The following DCC variants were observed in gnomAD, a reference collection of about 807,000 sequenced individuals.
The protein encoded by DCC is netrin receptor DCC.
DCC carries 58 observed loss-of-function variants against 172.5 expected under a neutral mutation model. The ratio of observed to expected loss-of-function variants is 0.34; its 90% confidence interval spans 0.27 to 0.42. The LOEUF (loss-of-function observed/expected upper bound fraction) is 0.42, where lower values mean the gene tolerates loss of function less well. Among genes scored for constraint, DCC ranks in the 10% least tolerant of loss-of-function variants. DCC has a pLI of 1.00. For synonymous variants in DCC, 709 were observed against 644.5 expected, an observed-to-expected ratio of 1.10 and a Z score of -1.52; for missense variants, 1,740 against 1,791.0, an observed-to-expected ratio of 0.97 and a Z score of 0.51.
intron 1 of DCC, among the ~76,000 whole-genome samples, chr18:52,559,167 A>G (rs982600025): frequency 6.6e-6 from 1 of 152,162 alleles, no homozygotes; most frequent in Admixed American, 6.5e-5. Flanking sequence ...GCTGGAGTGC[A>G]GTGGCACGAT....
At chr18:53,487,145 G>A (rs1200938689) in intron 26 of DCC, among the ~76,000 whole-genome samples, 187 bp downstream of exon 26, 1 of 152,088 alleles carries the variant, frequency 6.6e-6, no homozygotes, top group Admixed American at 6.6e-5. Context: ...GATTCCCTAG[G>A]CACCTTTCCA....
At chr18:52,630,903 C>T (rs2034662589) in intron 1 of DCC, among the ~76,000 whole-genome samples, 1 of 152,174 alleles carries the variant, frequency 6.6e-6, no homozygotes, top group African/African-American at 2.4e-5. Flanking sequence ...GAGGAATCCT[C>T]TTACCAATAT....
chr18:52,425,325 C>A (rs1598808361), intron 1 of DCC, among the ~76,000 whole-genome samples: 1 of 152,220 alleles, frequency 6.6e-6, no homozygotes, highest in South Asian at 2.1e-4. Context: ...TCAGATAGAT[C>A]CCTGAGTGTC....
At chr18:53,116,266 C>A (rs1185766261) in intron 7 of DCC, among the ~76,000 whole-genome samples, 1 of 151,746 alleles carries the variant, frequency 6.6e-6, no homozygotes, top group Non-Finnish European at 1.5e-5. Flanking sequence ...CTAGCCCGAG[C>A]ATAGGAGCTC....
chr18:52,783,409 G>A (rs1219234428), intron 2 of DCC, among the ~76,000 whole-genome samples: 1 of 126,222 alleles, frequency 7.9e-6, no homozygotes, highest in Non-Finnish European at 1.6e-5. Context: ...TTTACACAAG[G>A]CAGCAAAGTT....
intron 5 of DCC, among the ~76,000 whole-genome samples, chr18:53,009,674 A>C (rs1407716483): frequency 2.0e-5 from 3 of 151,980 alleles, no homozygotes; most frequent in Non-Finnish European, 4.4e-5. Flanking sequence ...TGTTAGTAAC[A>C]AGACAGACAA....
intron 27 of DCC, among the ~76,000 whole-genome samples, chr18:53,511,293 G>A (rs2046248237): frequency 6.6e-6 from 1 of 152,224 alleles, no homozygotes; most frequent in Non-Finnish European, 1.5e-5. Context: ...GTAGGAGTAG[G>A]TGGAAGACCT....
chr18:53,172,262 C>T (rs1598873025), intron 8 of DCC, among the ~76,000 whole-genome samples: 1 of 152,118 alleles, frequency 6.6e-6, no homozygotes, highest in Non-Finnish European at 1.5e-5. Flanking sequence ...TAAGTAAGAG[C>T]TTAACACTGA....
At position 53,486,801 on chromosome 18, in the gene DCC, CGTGAGCGCCATCCCG is replaced by C. The variant is rs750681659; in HGVS notation, c.3745_3759del (p.Ser1249_Val1253del). The C allele has an allele frequency of 1.9e-6, 3 of 1,613,952 alleles. No homozygotes were observed. The highest frequency in any genetic ancestry group is 2.5e-6 in the Non-Finnish European group (3 of 1,180,028). Reference sequence around the variant, plus strand: ...ATTAACCTTTTTCTTTTGCAGCTGTCGTGAGCGCCATCCCGGTGCCAACGCTAGAAAGTGCCCAGT... The same window carrying C: ...ATTAACCTTTTTCTTTTGCAGCTGTCGTGCCAACGCTAGAAAGTGCCCAGT... On this transcript the variant is annotated inframe_deletion, in exon 26 of 29. Transcript: ENST00000442544.
At chr18:52,962,926 A>G (rs1049561983) in intron 5 of DCC, among the ~76,000 whole-genome samples, 2 of 132,888 alleles carry the variant, frequency 1.5e-5, no homozygotes, top group Non-Finnish European at 3.1e-5. Context: ...GGACACAGGA[A>G]GGGGAACATC....
At chr18:52,597,975 T>A (rs1469318325) in intron 1 of DCC, among the ~76,000 whole-genome samples, 1 of 152,190 alleles carries the variant, frequency 6.6e-6, no homozygotes, top group Non-Finnish European at 1.5e-5. Flanking sequence ...TTTATTGTTT[T>A]TCCTGAATTT....
chr18:53,482,432 A>G (rs1228809448), intron 25 of DCC, among the ~76,000 whole-genome samples: 1 of 152,116 alleles, frequency 6.6e-6, no homozygotes, highest in Non-Finnish European at 1.5e-5. Context: ...TTTCTTCAGT[A>G]ATGAAAGACT....
chr18:52,379,205 G>A (rs1478669369), intron 1 of DCC, among the ~76,000 whole-genome samples: 1 of 151,732 alleles, frequency 6.6e-6, no homozygotes, highest in Non-Finnish European at 1.5e-5. Context: ...GTTTATTTGA[G>A]ATGCAGTGCT....
chr18:52,834,502 C>T (rs1172754323), intron 2 of DCC, among the ~76,000 whole-genome samples: 2 of 152,140 alleles, frequency 1.3e-5, no homozygotes, highest in Non-Finnish European at 2.9e-5. Flanking sequence ...TCCCAGGCAA[C>T]GTTTCCGAAC....
intron 1 of DCC, among the ~76,000 whole-genome samples, chr18:52,487,365 G>A (rs1013805385): frequency 2.6e-5 from 4 of 152,122 alleles, no homozygotes; most frequent in Non-Finnish European, 5.9e-5. Flanking sequence ...TTCTATCATT[G>A]AGATACTCAG....
intron 5 of DCC, among the ~76,000 whole-genome samples, chr18:53,022,635 T>G (rs561559458): frequency 6.6e-6 from 1 of 151,800 alleles, no homozygotes; most frequent in South Asian, 2.1e-4. Flanking sequence ...ATTACCATAT[T>G]GAAATGGGTG....
intron 1 of DCC, 112 bp downstream of exon 1, chr18:52,340,990 G>A: frequency 1.1e-6 from 1 of 877,386 alleles, no homozygotes; most frequent in Non-Finnish European, 1.9e-6. Context: ...GAGATTTGGC[G>A]CTTGCGCTGC....
intron 2 of DCC, among the ~76,000 whole-genome samples, chr18:52,857,500 A>G (rs2039073440): frequency 6.6e-6 from 1 of 152,150 alleles, no homozygotes; most frequent in Non-Finnish European, 1.5e-5. Context: ...CCACTGAAGC[A>G]CTTGGAGAGA....
intron 7 of DCC, among the ~76,000 whole-genome samples, chr18:53,137,847 ACT>A (rs1489162986): frequency 6.6e-6 from 1 of 152,166 alleles, no homozygotes; most frequent in East Asian, 1.9e-4. Context: ...ACAAGGTCTC[ACT>A]CTGTCACCTA....
Sources: allele counts gnomAD v4.1 joint callset (sites outside exome capture counted in the v4.1 genomes callset), GRCh38; gene constraint gnomAD v4.1.1; transcripts MANE v1.5; gene names NCBI Gene and HGNC (gene_info 2026-07-23, HGNC 2026-07-21).